The following RNF121 variants were observed in gnomAD, a reference collection of about 807,000 sequenced individuals.
RNF121 encodes E3 ubiquitin ligase RNF121.
In RNF121, 21 loss-of-function variants were observed where a neutral mutation model predicts 46.5. The ratio of observed to expected loss-of-function variants is 0.45; its 90% CI spans 0.32 to 0.65. RNF121 has a LOEUF of 0.65. Ranked by LOEUF, RNF121 falls within the 30% of genes least tolerant of loss-of-function variation. The pLI, the probability that RNF121 is intolerant of heterozygous loss-of-function variation, is 0.04. For missense variants in RNF121, 346 were observed against 416.0 expected (o/e 0.83, Z 1.46); for synonymous variants, 139 against 144.7 (o/e 0.96, Z 0.28).
chr11:71,944,011 C>G (rs533099297), intron 1 of RNF121, among the ~76,000 whole-genome samples: 35 of 152,180 alleles, frequency 2.3e-4, no homozygotes, highest in African/African-American at 7.9e-4. Context: ...TTATCTGTAG[C>G]TGATGATTAG....
At chr11:71,946,279 T>C (rs539091062) in intron 1 of RNF121, among the ~76,000 whole-genome samples, 1 of 152,320 alleles carries the variant, frequency 6.6e-6, no homozygotes, top group African/African-American at 2.4e-5. Context: ...TATTATTTAG[T>C]AAGAAAAGGA....
intron 3 of RNF121, among the ~76,000 whole-genome samples, chr11:71,967,193 C>A (rs997435883): frequency 6.6e-6 from 1 of 150,846 alleles, no homozygotes; most frequent in Non-Finnish European, 1.5e-5. Flanking sequence ...TTTTAAATAA[C>A]ATGTTTATAC....
chr11:71,960,947 A>G (rs1331741394), intron 3 of RNF121, 56 bp downstream of exon 3: 2 of 1,589,446 alleles, frequency 1.3e-6, no homozygotes, highest in African/African-American at 2.7e-5. Flanking sequence ...GACCCTTCCT[A>G]AGTATTCTAG....
chr11:71,959,365 T>C (rs114098317), intron 2 of RNF121, among the ~76,000 whole-genome samples: 17 of 152,338 alleles, frequency 1.1e-4, no homozygotes, highest in African/African-American at 4.1e-4. Flanking sequence ...GGTTCTACAC[T>C]TTTTGTTATA....
intron 2 of RNF121, among the ~76,000 whole-genome samples, chr11:71,960,309 G>A (rs1407966393): frequency 6.6e-5 from 10 of 152,176 alleles, no homozygotes; most frequent in South Asian, 2.1e-4. Context: ...CATTTGCAGC[G>A]TTACTCCTTT....
chr11:71,977,769 A>G (rs1954557999), intron 3 of RNF121, among the ~76,000 whole-genome samples: 1 of 152,062 alleles, frequency 6.6e-6, no homozygotes, highest in Admixed American at 6.6e-5. Context: ...TCATCTTTCC[A>G]CTGAATTCCC....
chr11:71,973,838 G>A (rs1304558310), intron 3 of RNF121, among the ~76,000 whole-genome samples: 3 of 151,968 alleles, frequency 2.0e-5, no homozygotes, highest in Non-Finnish European at 4.4e-5. Context: ...AAGCCCTACT[G>A]ACAAGGAAGA....
intron 3 of RNF121, among the ~76,000 whole-genome samples, chr11:71,965,463 C>G (rs943809698): frequency 4.6e-5 from 7 of 152,046 alleles, no homozygotes; most frequent in African/African-American, 1.7e-4. Flanking sequence ...CCAGGCTGGT[C>G]AGGAACTCCT....
At chr11:71,949,472 T>C (rs1953810270) in intron 1 of RNF121, among the ~76,000 whole-genome samples, 1 of 152,138 alleles carries the variant, frequency 6.6e-6, no homozygotes, top group African/African-American at 2.4e-5. Context: ...CCCAACACTT[T>C]GGGAGGCCCA....
rs1049407026 is a variant in RNF121 at position 71,996,752 on chromosome 11, A to G, written c.*437A>G. 1 of 182,664 alleles carries G rather than the reference A, an allele frequency of 5.5e-6. No individual in the cohort carries two copies. The highest frequency in any genetic ancestry group is 1.2e-5 in the Non-Finnish European group (1 of 84,400). 11.3% of individuals were successfully genotyped at this position (182,664 alleles called of 1,614,324 possible). A position where few individuals can be genotyped will look rare whatever the true frequency, so the allele number is the denominator to read the frequency against. On this transcript the variant is annotated 3_prime_UTR_variant, in exon 9 of 9. Transcript: ENST00000361756. ...CCTGTGTGGGGCTCAAGCCTGGTGC[A>G]CTTAGTATAGAAGAGCTAACGTACT...
At chr11:71,951,484 A>G (rs1953878892) in intron 1 of RNF121, among the ~76,000 whole-genome samples, 1 of 151,930 alleles carries the variant, frequency 6.6e-6, no homozygotes, top group Admixed American at 6.6e-5. Context: ...AGGCTGAGGT[A>G]GTCTCAGCTA....
chr11:71,995,508 T>C lies in RNF121; in HGVS notation c.820T>C (p.Tyr274His), dbSNP rs1374675929. The C allele has an allele frequency of 3.1e-6, 5 of 1,596,338 alleles. No homozygotes were observed. The highest frequency in any genetic ancestry group is 3.4e-6 in the Non-Finnish European group (4 of 1,169,988). Residue 274 changes from tyrosine to histidine, a missense_variant, in exon 8 of 9, where the codon TAC (tyrosine) becomes CAC (histidine). Tyr to His is a moderately conservative substitution (Grantham distance 83). Coordinates refer to ENST00000361756, the MANE Select transcript of RNF121 (RefSeq NM_018320.5). ...CGTGGGAAAGAAGCAAACGTGTCCC[T>C]ACTGCAAAGAGAAGGTAGACCTCAA... ...CIVGKKQTCP[Y>H]CKEKVDLKRM...
chr11:71,994,761 A>T lies in RNF121; in HGVS notation c.670A>T (p.Ser224Cys). The change falls in exon 7 of 9, where the codon AGT becomes TGT. Residue 224 changes from serine (S) to cysteine (C), a missense_variant. Coordinates refer to ENST00000361756, the MANE Select transcript of RNF121 (RefSeq NM_018320.5). Reference sequence around the variant, plus strand: ...CATGCCTACCAAACATCTTTCAGACAGTGTGTGTGCTGTGTGTGGGCAGCA... The same window carrying T: ...CATGCCTACCAAACATCTTTCAGACTGTGTGTGTGCTGTGTGTGGGCAGCA... Reference protein sequence around the residue: ...SGMPTKHLSDSVCAVCGQQIF... With the variant: ...SGMPTKHLSDCVCAVCGQQIF... 6.2e-7 allele frequency: 1 copy of T among 1,614,060 alleles called. No homozygotes were observed. Among genetic ancestry groups the T allele is most frequent in the Non-Finnish European group, 8.5e-7 (1 of 1,179,984 alleles).
intron 8 of RNF121, 67 bp downstream of exon 8, chr11:71,995,618 C>A: frequency 1.6e-6 from 2 of 1,279,352 alleles, no homozygotes; most frequent in Non-Finnish European, 2.2e-6. Context: ...GTGTGACCTG[C>A]ATTTGGGTCC....
chr11:71,951,740 A>G (rs1953887715), intron 1 of RNF121, among the ~76,000 whole-genome samples: 1 of 152,184 alleles, frequency 6.6e-6, no homozygotes, highest in Admixed American at 6.5e-5. Flanking sequence ...GTCCAACGTC[A>G]TTTAGCTGTC....
Position 71,994,860 on chromosome 11 carries a change from GCCT to G in RNF121, c.761+10_761+12del. On this transcript the variant is annotated intron_variant, in intron 7 of 8. Coordinates refer to ENST00000361756, the MANE Select transcript of RNF121 (RefSeq NM_018320.5). ...GCTGTCCTGCAATCATGTGTATCCT[GCCT>G]CGAGCTCCTGGGCCACATCTCTCCT... 1 of 1,614,090 alleles carries G rather than the reference GCCT, an allele frequency of 6.2e-7. No individual in the cohort carries two copies. Among genetic ancestry groups the G allele is most frequent in the Non-Finnish European group, 8.5e-7 (1 of 1,179,994 alleles).
At chr11:71,958,537 A>C (rs1173493677) in intron 2 of RNF121, among the ~76,000 whole-genome samples, 1 of 151,898 alleles carries the variant, frequency 6.6e-6, no homozygotes, top group Non-Finnish European at 1.5e-5. Flanking sequence ...CTGTCCCTAA[A>C]ACATTGGGAT....
chr11:71,984,257 A>G (rs558365009), intron 4 of RNF121, among the ~76,000 whole-genome samples: 3 of 152,372 alleles, frequency 2.0e-5, no homozygotes, highest in Admixed American at 1.3e-4. Flanking sequence ...TCTGTAATAC[A>G]GAGGATTTTT....
intron 1 of RNF121, among the ~76,000 whole-genome samples, chr11:71,936,836 A>G (rs1253312594): frequency 6.6e-6 from 1 of 152,086 alleles, no homozygotes; most frequent in East Asian, 1.9e-4. Context: ...GCTTTAATGC[A>G]GGGACTATTT....
Sources: gnomAD v4.1 joint callset for allele counts (sites outside exome capture counted in the v4.1 genomes callset) on GRCh38, gnomAD v4.1.1 for gene constraint, MANE v1.5 for transcripts, NCBI Gene and HGNC (gene_info 2026-07-23, HGNC 2026-07-21) for gene names.